PFKFB2: variants seen among roughly 807,000 people sequenced by gnomAD.
PFKFB2 encodes the protein 6-phosphofructo-2-kinase/fructose-2,6-bisphosphatase 2.
Under a neutral mutation model 68.0 loss-of-function variants are expected in PFKFB2, and 53 were observed. The ratio of observed to expected loss-of-function variants is 0.78; its 90% CI spans 0.63 to 0.98. The LOEUF is 0.98. Ranked by LOEUF, PFKFB2 falls within the 50% of genes least tolerant of loss-of-function variation. PFKFB2 has a pLI of 0.00. For missense variants in PFKFB2, 451 were observed against 642.0 expected (o/e 0.70, Z 3.22); for synonymous variants, 222 against 227.6 (o/e 0.98, Z 0.22).
At chr1:207,045,161 T>C (rs1682568362) in intron 2 of PFKFB2, 1 of 152,462 alleles carries the variant, frequency 6.6e-6, no homozygotes, top group South Asian at 2.1e-4. Context: ...AAAAATCAGC[T>C]TCCTTATAAG....
rs1199781244 is a variant in PFKFB2 at position 207,063,801 on chromosome 1, A to G, written c.479A>G (p.Asp160Gly). Residue 160 changes from aspartate (D) to glycine (G), a missense_variant, in exon 7 of 15, where the codon GAT becomes GGT. Physicochemically the swap from Asp to Gly is moderately conservative, Grantham distance 94. Coordinates refer to ENST00000367080, the MANE Select transcript of PFKFB2 (RefSeq NM_006212.2). The surrounding 1 kb of genome is among the most constrained non-coding windows in gnomAD (Gnocchi z 4.1). The part of the protein sequence containing the change: ...KVFFVESVCD[D>G]PDVIAANILE... Reference sequence around the variant, plus strand: ...TTCTTTGTGGAATCCGTCTGTGATGATCCTGATGTCATTGCTGCCAATATT... The same window carrying G: ...TTCTTTGTGGAATCCGTCTGTGATGGTCCTGATGTCATTGCTGCCAATATT... The G allele has an allele frequency of 6.2e-7, 1 of 1,613,666 alleles. No homozygotes were observed.
chr1:207,078,205 C>G (rs917371424), downstream of PFKFB2, among the ~76,000 whole-genome samples: 7 of 152,104 alleles, frequency 4.6e-5, no homozygotes, highest in African/African-American at 1.7e-4. Flanking sequence ...GTGATTTGCC[C>G]ATTTCTAAAG....
intron 8 of PFKFB2, chr1:207,065,428 G>A (rs1683255919): frequency 2.6e-6 from 1 of 389,900 alleles, no homozygotes; most frequent in Non-Finnish European, 3.5e-6. Flanking sequence ...AGGGCCCACT[G>A]CAACTGCTGC....
At chr1:207,044,950 T>C (rs1682559473) in intron 2 of PFKFB2, 1 of 152,480 alleles carries the variant, frequency 6.6e-6, no homozygotes, top group Non-Finnish European at 1.5e-5. Flanking sequence ...GTAAGCAAAA[T>C]GCTAGATAAT....
chr1:207,042,853 ATCT>A (rs1340217247), intron 2 of PFKFB2, among the ~76,000 whole-genome samples: 5 of 152,146 alleles, frequency 3.3e-5, no homozygotes, highest in Non-Finnish European at 7.3e-5. Flanking sequence ...TGTTCTACAA[ATCT>A]TCTCTGGATT....
At chr1:207,067,860 C>T (rs978660080) in intron 9 of PFKFB2, among the ~76,000 whole-genome samples, 154 bp downstream of exon 9, 5 of 152,138 alleles carry the variant, frequency 3.3e-5, no homozygotes, top group South Asian at 2.1e-4. Context: ...TTGCTCACTG[C>T]GTCTAGCTCT....
intron 2 of PFKFB2, 32 bp downstream of exon 2, chr1:207,054,834 C>T: frequency 7.0e-7 from 1 of 1,432,302 alleles, no homozygotes; most frequent in Non-Finnish European, 9.8e-7. Flanking sequence ...GGACTGCTCT[C>T]TCTCAGCATT....
chr1:207,049,304 A>G, upstream of PFKFB2: 1 of 1,614,180 alleles, frequency 6.2e-7, no homozygotes, highest in Non-Finnish European at 8.5e-7. Context: ...CTTTTGGTAT[A>G]TCCTGCATCT....
At chr1:207,052,710 G>A (rs1350303543), upstream of PFKFB2, among the ~76,000 whole-genome samples, 1 of 149,374 alleles carries the variant, frequency 6.7e-6, no homozygotes, top group African/African-American at 2.5e-5. Context: ...GTGTATGGGT[G>A]GGTCCAGGGA....
chr1:207,079,133 G>T, downstream of PFKFB2: 1 of 891,560 alleles, frequency 1.1e-6, no homozygotes, highest in Non-Finnish European at 1.8e-6. Context: ...GGACTTTGGG[G>T]GCCACCAAAA....
intron 3 of PFKFB2, 132 bp downstream of exon 3, chr1:207,062,210 A>G: frequency 1.6e-6 from 2 of 1,241,004 alleles, no homozygotes; most frequent in South Asian, 1.4e-5. Flanking sequence ...TTTCTGGTTT[A>G]CTGGAGTTAT....
intron 9 of PFKFB2, 60 bp downstream of exon 9, chr1:207,067,766 G>A (rs1683338431): frequency 2.2e-6 from 3 of 1,344,844 alleles, no homozygotes; most frequent in South Asian, 2.4e-5. Context: ...GCATGACTGA[G>A]GTCATATATT....
Position 207,057,518 on chromosome 1 carries a change from C to G in PFKFB2, c.85+2716C>G, listed in dbSNP as rs534583248. On this transcript the variant is annotated intron_variant, in intron 2 of 14. Coordinates refer to ENST00000367080, the MANE Select transcript of PFKFB2 (RefSeq NM_006212.2). The stretch of plus-strand genomic sequence containing the variant: ...AAGCAGAAATGGAGAAATCTACATG[C>G]TTTTTTTTTTTCTTTTTAATTTTTT... 5.6e-5 allele frequency among the ~76,000 whole-genome samples: 8 copies of G among 142,444 alleles called. No individual in the cohort carries two copies. In the South Asian group the frequency reaches 1.1e-3, roughly 20 times the overall value. 93.4% of individuals were successfully genotyped at this position (142,444 alleles called of 152,430 possible). A position where few individuals can be genotyped will look rare whatever the true frequency, so the allele number is the denominator to read the frequency against.
chr1:207,049,458 T>TC (rs1682680051), upstream of PFKFB2: 1 of 1,614,086 alleles, frequency 6.2e-7, no homozygotes, highest in South Asian at 1.1e-5. Context: ...GATTTGTTTT[T>TC]CCCAGTATTG....
rs929089302 is a variant in PFKFB2, at chr1:207,075,468, T to A, written c.*3097T>A. 2 of 985,296 alleles carry A rather than the reference T, an allele frequency of 2.0e-6. No homozygotes were observed. The highest frequency in any genetic ancestry group is 6.1e-5 in the Admixed American group (1 of 16,270). The allele number at this position is 985,296 out of a possible 1,614,324, so 61.0% of individuals were successfully genotyped here. A position where few individuals can be genotyped will look rare whatever the true frequency, so the allele number is the denominator to read the frequency against. Reference sequence around the variant, plus strand: ...AGAAGTTTCAGCTCTACTTCTCATCTTTTCTCTCCTGGTCTTACTTGAATG... The same window carrying A: ...AGAAGTTTCAGCTCTACTTCTCATCATTTCTCTCCTGGTCTTACTTGAATG... On this transcript the variant is annotated 3_prime_UTR_variant, in exon 15 of 15. Transcript: ENST00000367080.
At chr1:207,052,374 C>T (rs748585117), upstream of PFKFB2, 23 of 669,634 alleles carry the variant, frequency 3.4e-5, no homozygotes, top group South Asian at 1.8e-4. Flanking sequence ...AGAAGTCCAC[C>T]GGGGTGGCCG....
At chr1:207,049,368 T>C, upstream of PFKFB2, 3 of 1,614,158 alleles carry the variant, frequency 1.9e-6, no homozygotes, top group Non-Finnish European at 2.5e-6. Context: ...ATATTTCACA[T>C]TGGTAAAACT....
At chr1:207,068,442 T>C (rs1683366170) in intron 10 of PFKFB2, 133 bp downstream of exon 10, 1 of 675,716 alleles carries the variant, frequency 1.5e-6, no homozygotes, top group East Asian at 3.1e-5. Flanking sequence ...GCTGACTCTA[T>C]GGCCAGCCCG....
upstream of PFKFB2, chr1:207,049,552 C>A: frequency 6.2e-7 from 1 of 1,614,166 alleles, no homozygotes; most frequent in Non-Finnish European, 8.5e-7. Context: ...ATTCAAGACT[C>A]CTCCTTCGAC....
Sources: gnomAD v4.1 joint callset for allele counts (sites outside exome capture counted in the v4.1 genomes callset) on GRCh38, gnomAD v4.1.1 for gene constraint, Gnocchi (gnomAD v3.1) non-coding constraint, MANE v1.5 for transcripts, NCBI Gene and HGNC (gene_info 2026-07-23, HGNC 2026-07-21) for gene names.